MYO18B: variants seen among roughly 807,000 people sequenced by gnomAD.
MYO18B encodes myosin XVIIIB.
A neutral mutation model predicts 273.0 loss-of-function variants in MYO18B; 204 were observed. The observed-to-expected ratio is 0.75, with a 90% CI of 0.67 to 0.84. MYO18B has a LOEUF of 0.84. Among genes scored for constraint, MYO18B ranks in the 40% least tolerant of loss-of-function variants. MYO18B has a pLI of 0.00. For synonymous variants in MYO18B, 1,330 were observed against 1,305.7 expected (o/e 1.02, Z -0.40); for missense variants, 3,212 against 3,287.6 (o/e 0.98, Z 0.56).
downstream of MYO18B, among the ~76,000 whole-genome samples, chr22:26,034,071 G>C (rs1936729663): frequency 6.6e-6 from 1 of 152,084 alleles, no homozygotes; most frequent in Admixed American, 6.5e-5. Context: ...TCCTGCCTTA[G>C]CCTTCGTAGT....
At chr22:25,842,234 G>A (rs2090104210) in intron 17 of MYO18B, among the ~76,000 whole-genome samples, 1 of 152,216 alleles carries the variant, frequency 6.6e-6, no homozygotes, top group South Asian at 2.1e-4. Context: ...GCTTACTGGA[G>A]TTTAGAGGCA....
At chr22:26,050,604 C>T in the MYO18B span, among the ~76,000 whole-genome samples, 9 of 152,052 alleles carry the variant, frequency 5.9e-5, no homozygotes, top group Non-Finnish European at 8.8e-5. Flanking sequence ...CGACAGGGCA[C>T]GTAGGAATAT....
intron 32 of MYO18B, among the ~76,000 whole-genome samples, chr22:25,910,619 A>G (rs185652277): frequency 1.4e-4 from 22 of 152,294 alleles, no homozygotes; most frequent in Admixed American, 1.3e-3. Context: ...TTTAAAAATC[A>G]AAGTGCAAAG....
At chr22:25,953,220 T>C (rs1289463567) in intron 38 of MYO18B, among the ~76,000 whole-genome samples, 3 of 152,184 alleles carry the variant, frequency 2.0e-5, no homozygotes, top group Non-Finnish European at 4.4e-5. Context: ...GACATCACCA[T>C]TGTCAAAATC....
At chr22:25,989,118 A>G (rs1442791928) in intron 39 of MYO18B, among the ~76,000 whole-genome samples, 1 of 152,126 alleles carries the variant, frequency 6.6e-6, no homozygotes, top group Non-Finnish European at 1.5e-5. Flanking sequence ...CTCCTGCATG[A>G]CACTGACATG....
chr22:25,906,363 GA>G (rs1015275722), intron 31 of MYO18B, among the ~76,000 whole-genome samples: 23 of 151,922 alleles, frequency 1.5e-4, no homozygotes, highest in African/African-American at 5.3e-4. Context: ...CATTTTAAAG[GA>G]AAAAAAGGCA....
intron 10 of MYO18B, among the ~76,000 whole-genome samples, chr22:25,784,294 T>C (rs1305194181): frequency 1.3e-5 from 2 of 152,232 alleles, no homozygotes; most frequent in Non-Finnish European, 2.9e-5. Flanking sequence ...TCAGATTTAA[T>C]TTCCAGTGAA....
At chr22:25,882,945 G>A (rs2091386512) in intron 25 of MYO18B, among the ~76,000 whole-genome samples, 1 of 152,074 alleles carries the variant, frequency 6.6e-6, no homozygotes, top group Non-Finnish European at 1.5e-5. Flanking sequence ...TGCCCAGGCT[G>A]GAATGCAGTA....
intron 39 of MYO18B, among the ~76,000 whole-genome samples, chr22:25,988,919 G>T (rs1367278361): frequency 6.6e-5 from 10 of 152,176 alleles, no homozygotes; most frequent in Admixed American, 5.9e-4. Context: ...AACCCCGGCA[G>T]CTCGGCTCCA....
At chr22:25,925,303 G>C (rs1030887178) in intron 34 of MYO18B, among the ~76,000 whole-genome samples, 1 of 148,686 alleles carries the variant, frequency 6.7e-6, no homozygotes, top group African/African-American at 2.5e-5. Context: ...ACCACATGAA[G>C]GGGTTCTGGG....
chr22:26,000,262 T>A (rs562468862), intron 40 of MYO18B, among the ~76,000 whole-genome samples: 36 of 152,280 alleles, frequency 2.4e-4, no homozygotes, highest in African/African-American at 8.7e-4. Context: ...GAATTCGTTT[T>A]TTATACCAAA....
intron 39 of MYO18B, among the ~76,000 whole-genome samples, chr22:25,969,980 TCAC>T (rs1304982436): frequency 4.6e-5 from 7 of 152,076 alleles, no homozygotes; most frequent in South Asian, 2.1e-4. Context: ...ATCTTCTTCA[TCAC>T]CACCACCATC....
rs9613065 is a variant in MYO18B at position 25,988,368 on chromosome 22, C to T, written c.6157-3995C>T. On this transcript the variant is annotated intron_variant, in intron 39 of 43. Transcript: ENST00000335473. Reference sequence around the variant, plus strand: ...TTCTCCAAGCTTTCTCCTCAGGGTGCGCCCACTGAGTCTGATGCTTCCCTA... The same window carrying T: ...TTCTCCAAGCTTTCTCCTCAGGGTGTGCCCACTGAGTCTGATGCTTCCCTA... Among the ~76,000 whole-genome samples, 531 of 152,144 alleles carry T rather than the reference C, an allele frequency of 3.5e-3. 1 individual carries two copies. The highest frequency in any genetic ancestry group is 4.8e-3 in the Non-Finnish European group (328 of 68,004).
In MYO18B at chr22:25,883,847, TGAG is replaced by T. The variant is rs1428013789; in HGVS notation, c.4314+5803_4314+5805del. On this transcript the variant is annotated intron_variant, in intron 25 of 43. Transcript: ENST00000335473. The surrounding 1 kb of genome is among the most constrained non-coding windows in gnomAD (Gnocchi z 7.6). ...ATTTGTGAAGGAGCAGAAGAGGAGA[TGAG>T]GAGCCTCTAAGAATCTGGCTATAAA... 1 of 152,224 alleles carries T rather than the reference TGAG, an allele frequency of 6.6e-6. No individual in the cohort carries two copies. Among genetic ancestry groups the T allele is most frequent in the Non-Finnish European group, 1.5e-5 (1 of 68,034 alleles). The allele number at this position is 152,224 out of a possible 1,614,324, so 9.4% of individuals were successfully genotyped here. A position where few individuals can be genotyped will look rare whatever the true frequency, so the allele number is the denominator to read the frequency against.
chr22:25,789,759 C>T (rs2087574489), intron 11 of MYO18B, among the ~76,000 whole-genome samples: 2 of 152,212 alleles, frequency 1.3e-5, no homozygotes, highest in Admixed American at 1.3e-4. Context: ...GCGCCATTCA[C>T]CTCACCACCC....
At chr22:25,892,048 G>A (rs904515357) in intron 27 of MYO18B, among the ~76,000 whole-genome samples, 1 of 152,224 alleles carries the variant, frequency 6.6e-6, no homozygotes, top group African/African-American at 2.4e-5. Flanking sequence ...GAGGAAGGCT[G>A]TCTAGTGGTT....
At chr22:25,845,389 T>TACAC (rs2090206834) in intron 18 of MYO18B, among the ~76,000 whole-genome samples, 4 of 152,122 alleles carry the variant, frequency 2.6e-5, no homozygotes, top group Non-Finnish European at 5.9e-5. Context: ...TGGTGGCGTG[T>TACAC]GCCTATAGTC....
At chr22:25,898,080 A>T in intron 28 of MYO18B, 1 of 518,766 alleles carries the variant, frequency 1.9e-6, no homozygotes, top group Non-Finnish European at 3.4e-6. Flanking sequence ...AATCAACCTT[A>T]AGAGATTGAT....
chr22:25,914,073 A>G (rs2092212942), intron 33 of MYO18B, among the ~76,000 whole-genome samples: 1 of 152,190 alleles, frequency 6.6e-6, no homozygotes, highest in Non-Finnish European at 1.5e-5. Flanking sequence ...GTTTTAGTTC[A>G]TAATTTTTTT....
Sources: gnomAD v4.1 joint callset for allele counts (sites outside exome capture counted in the v4.1 genomes callset) on GRCh38, gnomAD v4.1.1 for gene constraint, Gnocchi (gnomAD v3.1) non-coding constraint, MANE v1.5 for transcripts, NCBI Gene and HGNC (gene_info 2026-07-23, HGNC 2026-07-21) for gene names.